FGD2: variants seen among roughly 807,000 people sequenced by gnomAD.
FGD2 encodes the protein FYVE, RhoGEF and PH domain-containing protein 2.
FGD2 carries 52 observed loss-of-function variants against 75.9 expected under a neutral mutation model. That is an observed-to-expected ratio of 0.69 (90% CI 0.55 to 0.86). FGD2 has a LOEUF of 0.86. Among genes scored for constraint, FGD2 ranks in the 40% least tolerant of loss-of-function variants. The pLI, the probability that FGD2 is intolerant of heterozygous loss-of-function variation, is 0.00. For synonymous variants in FGD2, 347 were observed against 348.6 expected (o/e 1.00, Z 0.05); for missense variants, 790 against 872.0 (o/e 0.91, Z 1.18).
At chr6:37,013,385 G>A in intron 4 of FGD2, 1 of 1,321,854 alleles carries the variant, frequency 7.6e-7, no homozygotes, top group South Asian at 1.8e-5. Flanking sequence ...CGGGCCTTGT[G>A]GATGAGGCCA....
In FGD2 at chr6:37,022,003, G is replaced by A. The variant is rs376022859; in HGVS notation, c.1327-236G>A. On this transcript the variant is annotated intron_variant, in intron 12 of 15. Transcript: ENST00000274963. Reference sequence around the variant, plus strand: ...CTGAACTCTGGCTTGCTGAGTGACTGCTGAGTCATTTGACCTCTCTGGGCC... The same window carrying A: ...CTGAACTCTGGCTTGCTGAGTGACTACTGAGTCATTTGACCTCTCTGGGCC... 10 of 551,054 alleles carry A rather than the reference G, an allele frequency of 1.8e-5. No individual in the cohort carries two copies. The East Asian group carries it at 2.6e-4, about 14-fold the overall frequency. 34.1% of individuals were successfully genotyped at this position (551,054 alleles called of 1,614,324 possible). A position where few individuals can be genotyped will look rare whatever the true frequency, so the allele number is the denominator to read the frequency against.
rs1018890928 is a variant in FGD2 at position 37,021,369 on chromosome 6, G to T, written c.1234-143G>T. On this transcript the variant is annotated intron_variant, in intron 11 of 15. Transcript: ENST00000274963. ...GGCTGGTAGTTTCTCCTCCGATAAG[G>T]CAGCCCGCGTGTGTGTAGAATCCAG... The T allele has an allele frequency of 3.8e-5, 25 of 662,528 alleles. No homozygotes were observed. In the African/African-American group the frequency reaches 4.4e-4, roughly 12 times the overall value. 41.0% of individuals were successfully genotyped at this position (662,528 alleles called of 1,614,324 possible). A position where few individuals can be genotyped will look rare whatever the true frequency, so the allele number is the denominator to read the frequency against.
intron 8 of FGD2, 30 bp downstream of exon 8, chr6:37,015,068 A>T: frequency 6.2e-7 from 1 of 1,602,062 alleles, no homozygotes; most frequent in Non-Finnish European, 8.5e-7. Context: ...TCCTCTCCAC[A>T]CTGGGGAGGG....
intron 3 of FGD2, chr6:37,011,486 C>A (rs1765001958): frequency 6.5e-6 from 4 of 615,562 alleles, no homozygotes; most frequent in Non-Finnish European, 1.1e-5. Flanking sequence ...AGCTGCCAGC[C>A]TTTGGCCAAG....
intron 14 of FGD2, chr6:37,026,163 C>T: frequency 1.0e-6 from 1 of 985,444 alleles, no homozygotes; most frequent in African/African-American, 1.7e-5. Flanking sequence ...TGGCTGCAGG[C>T]TGTCGTCCAC....
Position 37,014,018 on chromosome 6 carries a change from G to A in FGD2, c.741G>A (p.Gln247=). 1 of 1,614,110 alleles carries A rather than the reference G, an allele frequency of 6.2e-7. No individual in the cohort carries two copies. Among genetic ancestry groups the A allele is most frequent in the Non-Finnish European group, 8.5e-7 (1 of 1,179,988 alleles). The stretch of plus-strand genomic sequence containing the variant: ...AGCACCACATGCTGGAACCAGTGCA[G>A]AGAATTCCACGTTACGAGCTGCTGC... ...TLQHHMLEPV[Q]RIPRYELLLK... The change falls in exon 6 of 16, where the codon CAG becomes CAA. Residue 247 remains glutamine (Q), a synonymous_variant. Coordinates refer to ENST00000274963, the MANE Select transcript of FGD2 (RefSeq NM_173558.4).
intron 13 of FGD2, 100 bp from the exon 14 acceptor site, chr6:37,025,692 G>T (rs1765784790): frequency 1.6e-6 from 2 of 1,278,342 alleles, no homozygotes; most frequent in African/African-American, 1.5e-5. Flanking sequence ...TCCTCCCCCA[G>T]TCCCTGGTTG....
intron 6 of FGD2, 84 bp from the exon 7 acceptor site, chr6:37,014,562 C>G (rs1583302849): frequency 3.3e-6 from 5 of 1,495,006 alleles, no homozygotes; most frequent in East Asian, 2.3e-5. Flanking sequence ...GTCCTGAGGG[C>G]CCTTTGTTGA....
intron 14 of FGD2, chr6:37,026,391 T>C: frequency 1.0e-6 from 1 of 985,330 alleles, no homozygotes; most frequent in Non-Finnish European, 1.2e-6. Flanking sequence ...TCTTATCCCA[T>C]GGAGACCCAG....
At chr6:37,017,847 C>T (rs1765378093) in intron 9 of FGD2, among the ~76,000 whole-genome samples, 1 of 152,184 alleles carries the variant, frequency 6.6e-6, no homozygotes, top group Admixed American at 6.5e-5. Flanking sequence ...TGGAGCAATC[C>T]AGGGCCTGGG....
chr6:37,025,757 T>A (rs1186642109), intron 13 of FGD2, 35 bp from the exon 14 acceptor site: 1 of 1,612,778 alleles, frequency 6.2e-7, no homozygotes, highest in East Asian at 2.2e-5. Context: ...CGGTGCCTGG[T>A]CTCAGCCCCA....
rs1431963181 is a variant in FGD2, at chr6:37,028,109, G to A, written c.1914G>A (p.Arg638=). 9.9e-6 allele frequency: 16 copies of A among 1,610,514 alleles called. No individual in the cohort carries two copies. The highest frequency in any genetic ancestry group is 1.3e-5 in the African/African-American group (1 of 74,876). Residue 638 remains arginine, a synonymous_variant, in exon 16 of 16, where the codon CGG becomes CGA. Transcript: ENST00000274963. The part of the protein sequence containing the change: ...LKGRWVKAME[R]AASGWSPSWP... ...GCCGCTGGGTGAAGGCCATGGAGCG[G>A]GCGGCCAGTGGCTGGAGCCCCAGCT...
At chr6:37,018,057 C>T (rs57420204) in intron 9 of FGD2, among the ~76,000 whole-genome samples, 1 of 152,092 alleles carries the variant, frequency 6.6e-6, no homozygotes, top group South Asian at 2.1e-4. Flanking sequence ...GTGAGTGAGG[C>T]TGAGAAAGGC....
chr6:37,013,746 A>G lies in FGD2; in HGVS notation c.665A>G (p.Glu222Gly), dbSNP rs774205833. The part of the protein sequence containing the change: ...TWTDKSPLFQ[E>G]VLTRIQSSEA... ...ACCGACAAGTCTCCACTCTTCCAGG[A>G]GGTTCTCACTCGCATCCAGGTGAGG... The change falls in exon 5 of 16, where the codon GAG (glutamate) becomes GGG (glycine). Residue 222 changes from glutamate (E) to glycine (G), a missense_variant. Coordinates refer to ENST00000274963, the MANE Select transcript of FGD2 (RefSeq NM_173558.4). 11 of 1,613,874 alleles carry G rather than the reference A, an allele frequency of 6.8e-6. No homozygotes were observed. The East Asian group carries it at 2.2e-4, about 33-fold the overall frequency.
intron 9 of FGD2, 97 bp from the exon 10 acceptor site, chr6:37,020,444 T>C: frequency 8.6e-7 from 1 of 1,164,724 alleles, no homozygotes; most frequent in Non-Finnish European, 1.2e-6. Context: ...ATTTGAATTG[T>C]CCCTTGGGCA....
At chr6:37,019,855 C>CTTTTTTT (rs11385767) in intron 9 of FGD2, among the ~76,000 whole-genome samples, 10 of 136,210 alleles carry the variant, frequency 7.3e-5, no homozygotes, top group Non-Finnish European at 1.1e-4. Context: ...CTTTTCTTTT[C>CTTTTTTT]TTTTTTTTTT....
Position 37,015,153 on chromosome 6 carries a change from A to G in FGD2, c.1029+115A>G, listed in dbSNP as rs1561932583. 1.1e-5 allele frequency: 15 copies of G among 1,359,306 alleles called. No homozygotes were observed. The Admixed American group carries it at 2.2e-4, about 20-fold the overall frequency. 84.2% of individuals were successfully genotyped at this position (1,359,306 alleles called of 1,614,324 possible). A position where few individuals can be genotyped will look rare whatever the true frequency, so the allele number is the denominator to read the frequency against. On this transcript the variant is annotated intron_variant, in intron 8 of 15. Coordinates refer to ENST00000274963, the MANE Select transcript of FGD2 (RefSeq NM_173558.4). Reference sequence around the variant, plus strand: ...GCACTGCAGGGGGACAGGGAAGAGAACGCTTCTCTGTCTTTTTCTGCTTTG... The same window carrying G: ...GCACTGCAGGGGGACAGGGAAGAGAGCGCTTCTCTGTCTTTTTCTGCTTTG...
rs1426692777 is a variant in FGD2 at position 37,015,794 on chromosome 6, GC to G, written c.1059del (p.Arg354GlyfsTer2). 1 of 1,595,884 alleles carries G rather than the reference GC, an allele frequency of 6.3e-7. No homozygotes were observed. The highest frequency in any genetic ancestry group is 1.8e-5 in the Admixed American group (1 of 56,626). ...LFNNMLLYCV[P>X]RVIQVGAQFQ... ...TCAACAACATGCTGCTCTACTGTGTGCCCAGGGTGATCCAGGTGGGCGCCCA... is the reference window on the plus strand; with the variant it reads ...TCAACAACATGCTGCTCTACTGTGTGCCAGGGTGATCCAGGTGGGCGCCCA... On this transcript the variant is annotated frameshift_variant, in exon 9 of 16. Transcript: ENST00000274963. LOFTEE classifies it high-confidence loss of function.
chr6:37,027,820 C>T, intron 15 of FGD2, 128 bp from the exon 16 acceptor site: 1 of 1,164,266 alleles, frequency 8.6e-7, no homozygotes, highest in Non-Finnish European at 1.2e-6. Context: ...TGGCCTTCAC[C>T]AGCCCACCCC....
Sources: gnomAD v4.1 joint callset for allele counts (sites outside exome capture counted in the v4.1 genomes callset) on GRCh38, gnomAD v4.1.1 for gene constraint, MANE v1.5 for transcripts, NCBI Gene and HGNC (gene_info 2026-07-23, HGNC 2026-07-21) for gene names.